The following DCC variants were observed in gnomAD, a reference collection of about 807,000 sequenced individuals.
The protein encoded by DCC is DCC netrin 1 receptor.
DCC carries 58 observed loss-of-function variants against 172.5 expected under a neutral mutation model. The ratio of observed to expected loss-of-function variants is 0.34; its 90% CI spans 0.27 to 0.42. The LOEUF is 0.42. DCC is among the 10% of genes least tolerant of loss of function. The probability of loss-of-function intolerance (pLI) is 1.00; values close to 1 mark genes in which losing one functional copy is unlikely to be tolerated. For missense variants in DCC, 1,740 were observed against 1,791.0 expected, an observed-to-expected ratio of 0.97 and a Z score of 0.51; for synonymous variants, 709 against 644.5, an observed-to-expected ratio of 1.10 and a Z score of -1.52.
At chr18:53,128,872 T>TAC (rs1568321296) in intron 7 of DCC, among the ~76,000 whole-genome samples, 1 of 36,632 alleles carries the variant, frequency 2.7e-5, no homozygotes, top group Non-Finnish European at 4.7e-5. Flanking sequence ...CACACACACA[T>TAC]ATATATATAT....
At chr18:53,200,620 T>G (rs1437536351) in intron 9 of DCC, among the ~76,000 whole-genome samples, 1 of 152,118 alleles carries the variant, frequency 6.6e-6, no homozygotes, top group Non-Finnish European at 1.5e-5. Flanking sequence ...GCCTCATGTT[T>G]GTTCTTATGG....
At chr18:52,884,016 A>G (rs1436764292) in intron 2 of DCC, among the ~76,000 whole-genome samples, 1 of 151,894 alleles carries the variant, frequency 6.6e-6, no homozygotes, top group East Asian at 1.9e-4. Context: ...CACTTTAAGT[A>G]TATCATGCCA....
intron 2 of DCC, among the ~76,000 whole-genome samples, chr18:52,783,023 T>G (rs571428406): frequency 6.6e-6 from 1 of 152,142 alleles, no homozygotes; most frequent in South Asian, 2.1e-4. Context: ...AAACAAGAGA[T>G]CATACTGATT....
Position 53,063,433 on chromosome 18 carries a change from A to C in DCC, c.1114A>C (p.Ile372Leu). ...TTGGATGAAGAATGGAGATGTGGTCATTCCTAGTGATTATTTTCAGATAGT... is the reference window on the plus strand; with the variant it reads ...TTGGATGAAGAATGGAGATGTGGTCCTTCCTAGTGATTATTTTCAGATAGT... ...VNWMKNGDVV[I>L]PSDYFQIVGG... The change falls in exon 6 of 29, where the codon ATT (isoleucine) becomes CTT (leucine). Residue 372 changes from isoleucine to leucine, a missense_variant. This residue lies in a region of DCC where 1,732 missense variants were observed against 1,767.4 expected (regional missense o/e 0.98). Coordinates refer to ENST00000442544, the MANE Select transcript of DCC (RefSeq NM_005215.4). 6.2e-7 allele frequency: 1 copy of C among 1,611,138 alleles called. No individual in the cohort carries two copies. The highest frequency in any genetic ancestry group is 8.5e-7 in the Non-Finnish European group (1 of 1,177,598).
chr18:52,511,498 G>T (rs2031438472), intron 1 of DCC, among the ~76,000 whole-genome samples: 1 of 152,154 alleles, frequency 6.6e-6, no homozygotes, highest in Admixed American at 6.5e-5. Flanking sequence ...AGGGGTTGAG[G>T]TTGTACTCCC....
At chr18:53,270,422 A>C (rs1444540016) in intron 12 of DCC, among the ~76,000 whole-genome samples, 1 of 152,152 alleles carries the variant, frequency 6.6e-6, no homozygotes, top group Non-Finnish European at 1.5e-5. Flanking sequence ...TAGAGTATTC[A>C]AAATCTTTCT....
chr18:52,908,922 A>G (rs2039928903), intron 3 of DCC, among the ~76,000 whole-genome samples: 1 of 152,184 alleles, frequency 6.6e-6, no homozygotes, highest in East Asian at 1.9e-4. Context: ...GCATGCGCAC[A>G]CACACACAGG....
rs68120118 is a variant in DCC, at chr18:53,099,960, TG to T, written c.1261+33795del. Among the ~76,000 whole-genome samples the T allele has an allele frequency of 5.4e-3, 657 of 122,244 alleles. 31 individuals are homozygous for T. The highest frequency in any genetic ancestry group is 0.016 in the African/African-American group (447 of 28,748). The allele number at this position is 122,244 out of a possible 152,430, so 80.2% of individuals were successfully genotyped here. On this transcript the variant is annotated intron_variant, in intron 7 of 28. Coordinates refer to ENST00000442544, the MANE Select transcript of DCC (RefSeq NM_005215.4). ...CTTTCTTTCTTTTTTTTTTTTTTTT[TG>T]TTTGAGACAGAGTCTTGCTTTGTTG...
In DCC at chr18:52,883,344, TTATTTATGTGTGTGTG is replaced by T. The variant is rs1166121256; in HGVS notation, c.413-22698_413-22683del. Among the ~76,000 whole-genome samples the T allele has an allele frequency of 4.9e-3, 273 of 55,466 alleles. 1 individual carries two copies. Among genetic ancestry groups the T allele is most frequent in the African/African-American group, 0.013 (258 of 20,400 alleles). The allele number at this position is 55,466 out of a possible 152,430, so 36.4% of individuals were successfully genotyped here. On this transcript the variant is annotated intron_variant, in intron 2 of 28. Transcript: ENST00000442544. ...TTTTATTTTTTATTTATTTATTTATTTATTTATGTGTGTGTGTGTGTGTGTGTGTGTGTGTGTGTGT... is the reference window on the plus strand; with the variant it reads ...TTTTATTTTTTATTTATTTATTTATTTGTGTGTGTGTGTGTGTGTGTGTGT...
At chr18:52,508,822 C>T (rs565977210) in intron 1 of DCC, among the ~76,000 whole-genome samples, 10 of 152,242 alleles carry the variant, frequency 6.6e-5, no homozygotes, top group Non-Finnish European at 1.2e-4. Flanking sequence ...CTGATTTACA[C>T]AATTTACAGA....
At chr18:53,403,037 T>C (rs1909418417) in intron 19 of DCC, 144 bp downstream of exon 19, 2 of 705,974 alleles carry the variant, frequency 2.8e-6, no homozygotes, top group Non-Finnish European at 5.2e-6. Flanking sequence ...TGATTGTTTC[T>C]TCTTTCCCCT....
intron 1 of DCC, among the ~76,000 whole-genome samples, chr18:52,491,758 G>A (rs1009816562): frequency 2.6e-5 from 4 of 151,978 alleles, no homozygotes; most frequent in African/African-American, 7.2e-5. Context: ...GGAAACTCAC[G>A]AATGCTTAGG....
At chr18:52,424,256 C>G (rs185292026) in intron 1 of DCC, among the ~76,000 whole-genome samples, 1 of 152,192 alleles carries the variant, frequency 6.6e-6, no homozygotes, top group African/African-American at 2.4e-5. Flanking sequence ...GCTTAATTTC[C>G]ACAATCACCG....
intron 1 of DCC, among the ~76,000 whole-genome samples, chr18:52,700,324 A>G (rs561193732): frequency 1.3e-3 from 184 of 140,980 alleles, no homozygotes; most frequent in African/African-American, 4.5e-3. Flanking sequence ...ATGCACACTC[A>G]CGGAATGCAC....
intron 1 of DCC, among the ~76,000 whole-genome samples, chr18:52,684,377 T>A (rs965479212): frequency 2.3e-5 from 1 of 43,898 alleles, no homozygotes; most frequent in East Asian, 8.6e-4. Context: ...CAAAGCTAAT[T>A]TCTTTCTTGT....
intron 1 of DCC, among the ~76,000 whole-genome samples, chr18:52,368,746 GA>G (rs1432936374): frequency 1.3e-5 from 2 of 152,130 alleles, no homozygotes; most frequent in Non-Finnish European, 2.9e-5. Context: ...TGAAAGGGTT[GA>G]AAAAAACTCT....
rs2042887179 is a variant in DCC at position 53,086,099 on chromosome 18, CCT to C, written c.1261+19935_1261+19936del. On this transcript the variant is annotated intron_variant, in intron 7 of 28. Coordinates refer to ENST00000442544, the MANE Select transcript of DCC (RefSeq NM_005215.4). ...TCCTCCTCCTCCTCCTCCTCCTCCT[CCT>C]CCTCCTCCTCCTCCTCCTCCTCCTC... Among the ~76,000 whole-genome samples the C allele has an allele frequency of 6.0e-4, 4 of 6,722 alleles. 2 individuals carry two copies. In the African/African-American group the frequency reaches 0.012, roughly 20 times the overall value. 4.4% of individuals were successfully genotyped at this position (6,722 alleles called of 152,430 possible).
Position 53,450,439 on chromosome 18 carries a change from C to G in DCC, c.3230-61C>G, listed in dbSNP as rs944151930. 4 of 1,584,188 alleles carry G rather than the reference C, an allele frequency of 2.5e-6. No individual in the cohort carries two copies. In the African/African-American group the frequency reaches 5.4e-5, roughly 21 times the overall value. On this transcript the variant is annotated intron_variant, in intron 22 of 28. Transcript: ENST00000442544. ...AGGAACTTTGTATATCCCAAGAGAG[C>G]TTGGTAAAACTTCTGCCACATCTTC...
chr18:52,695,233 T>C (rs968253684), intron 1 of DCC, among the ~76,000 whole-genome samples: 3 of 152,214 alleles, frequency 2.0e-5, no homozygotes, highest in African/African-American at 7.2e-5. Context: ...TTTCTTCAGT[T>C]ATAAAATGGA....
Sources: allele counts gnomAD v4.1 joint callset (sites outside exome capture counted in the v4.1 genomes callset), GRCh38; gene constraint gnomAD v4.1.1; regional missense constraint gnomAD v4.1.1; transcripts MANE v1.5; gene names NCBI Gene and HGNC (gene_info 2026-07-23, HGNC 2026-07-21).